MAP3K14: variants seen among roughly 807,000 people sequenced by gnomAD.
MAP3K14 encodes mitogen-activated protein kinase kinase kinase 14.
In MAP3K14, 16 loss-of-function variants were observed where a neutral mutation model predicts 99.2. The observed-to-expected ratio is 0.16, with a 90% CI of 0.11 to 0.24. The LOEUF is 0.24. Among genes scored for constraint, MAP3K14 ranks in the 10% least tolerant of loss-of-function variants. The probability of loss-of-function intolerance (pLI) is 1.00; values close to 1 mark genes in which losing one functional copy is unlikely to be tolerated. For missense variants in MAP3K14, 784 were observed against 1,208.7 expected (o/e 0.65, Z 5.21); for synonymous variants, 462 against 492.4 (o/e 0.94, Z 0.82).
Position 45,270,714 on chromosome 17 carries a change from C to A in MAP3K14, c.1822-151G>T, listed in dbSNP as rs908550517. 8 of 1,145,854 alleles carry A rather than the reference C, an allele frequency of 7.0e-6. No individual in the cohort carries two copies. In the African/African-American group the frequency reaches 1.3e-4, roughly 18 times the overall value. The allele number at this position is 1,145,854 out of a possible 1,614,324, so 71.0% of individuals were successfully genotyped here. ...GGAGGGGTCTGGGCTACAGTGAGGG[C>A]ACTTTTCCCAGGAAAGGGACAAATG... On this transcript the variant is annotated intron_variant, in intron 10 of 15. Coordinates refer to ENST00000344686, the MANE Select transcript of MAP3K14 (RefSeq NM_003954.5).
At position 45,274,764 on chromosome 17, in the gene MAP3K14, G is replaced by T. The variant is rs374533008; in HGVS notation, c.1291-171C>A. On this transcript the variant is annotated intron_variant, in intron 6 of 15. Coordinates refer to ENST00000344686, the MANE Select transcript of MAP3K14 (RefSeq NM_003954.5). Reference sequence around the variant, plus strand: ...CCTCAGAGGCTAAATTGTGTATCCCGTGCCCTTGGTATCAGGAGCAACTTC... The same window carrying T: ...CCTCAGAGGCTAAATTGTGTATCCCTTGCCCTTGGTATCAGGAGCAACTTC... Among the ~76,000 whole-genome samples the T allele has an allele frequency of 9.2e-5, 14 of 152,296 alleles. No homozygotes were observed. In the East Asian group the frequency reaches 2.5e-3, roughly 27 times the overall value.
chr17:45,303,932 A>G (rs562518058), intron 1 of MAP3K14, among the ~76,000 whole-genome samples: 58 of 152,092 alleles, frequency 3.8e-4, no homozygotes, highest in African/African-American at 1.3e-3. Context: ...ATGTAATGTC[A>G]TACAAATTGT....
chr17:45,289,202 C>T lies in MAP3K14; in HGVS notation c.326+34G>A, dbSNP rs750689886. 5.0e-6 allele frequency: 8 copies of T among 1,604,310 alleles called. No individual in the cohort carries two copies. In the East Asian group the frequency reaches 1.6e-4, roughly 31 times the overall value. On this transcript the variant is annotated intron_variant, in intron 3 of 15. Coordinates refer to ENST00000344686, the MANE Select transcript of MAP3K14 (RefSeq NM_003954.5). ...GGACGAGGGCGCTGGGTCCAGTCCC[C>T]ACCTTCCCACTCAGGCTTGTCTCCC...
chr17:45,304,466 G>C (rs962731711), intron 1 of MAP3K14, among the ~76,000 whole-genome samples: 55 of 152,152 alleles, frequency 3.6e-4, no homozygotes, highest in African/African-American at 1.3e-3. Flanking sequence ...ATTCTAGGTG[G>C]TAAGCTCTTG....
At chr17:45,284,735 T>C (rs925241730) in intron 6 of MAP3K14, 77 bp downstream of exon 6, 19 of 1,493,770 alleles carry the variant, frequency 1.3e-5, no homozygotes, top group African/African-American at 4.2e-5. Context: ...GCGACTGTCC[T>C]GGACAGAAAG....
Position 45,267,642 on chromosome 17 carries a change from G to T in MAP3K14, c.2090C>A (p.Ala697Asp), listed in dbSNP as rs376396491. The change falls in exon 12 of 16, where the codon GCC (alanine) becomes GAC (aspartate). Residue 697 changes from alanine to aspartate, a missense_variant. By Grantham distance (126) the Ala-to-Asp change is moderately radical. Transcript: ENST00000344686. This position sits in a 1 kb window ranked among gnomAD's most constrained non-coding sequence, Gnocchi z 5.1. ...CTCCTCAGCTGGCCGGGGCCCTGGGGCCCTTGGCGAAAGCTCTCTCGGCTG... is the reference window on the plus strand; with the variant it reads ...CTCCTCAGCTGGCCGGGGCCCTGGGTCCCTTGGCGAAAGCTCTCTCGGCTG... ...HAQPRELSPR[A>D]PGPRPAEETT... 1.9e-6 allele frequency: 3 copies of T among 1,613,530 alleles called. No individual in the cohort carries two copies. The highest frequency in any genetic ancestry group is 2.5e-6 in the Non-Finnish European group (3 of 1,179,816).
rs373594868 is a variant in MAP3K14, at chr17:45,287,637, A to G, written c.327-273T>C. Among the ~76,000 whole-genome samples the G allele has an allele frequency of 5.1e-4, 77 of 152,360 alleles. 1 individual carries two copies. Among genetic ancestry groups the G allele is most frequent in the African/African-American group, 1.7e-3 (71 of 41,582 alleles). On this transcript the variant is annotated intron_variant, in intron 3 of 15. Coordinates refer to ENST00000344686, the MANE Select transcript of MAP3K14 (RefSeq NM_003954.5). ...AAGCCCAGCTCAGTGTCTGGCCCCAAGGCAAGCTGCCGAGAAGCTGTGCTT... is the reference window on the plus strand; with the variant it reads ...AAGCCCAGCTCAGTGTCTGGCCCCAGGGCAAGCTGCCGAGAAGCTGTGCTT...
chr17:45,278,278 G>T (rs2044194911), intron 6 of MAP3K14, among the ~76,000 whole-genome samples: 1 of 152,100 alleles, frequency 6.6e-6, no homozygotes, highest in African/African-American at 2.4e-5. Context: ...AATACAAGGT[G>T]CTTTAGAAGT....
chr17:45,296,034 C>T (rs28735460), intron 1 of MAP3K14, among the ~76,000 whole-genome samples: 4,557 of 152,282 alleles, frequency 0.03, 240 homozygotes, highest in African/African-American at 0.1. Flanking sequence ...CAAGGCAAAT[C>T]CCTCTCATGA....
chr17:45,310,065 G>A lies in MAP3K14; in HGVS notation c.-21+6895C>T, dbSNP rs575860915. ...TTTTTTTTTTTTGAGACGGAGTTTC[G>A]CTCTTGTCGCCCAGGCTGGAGTGCA... On this transcript the variant is annotated intron_variant, in intron 1 of 15. Transcript: ENST00000344686. Among the ~76,000 whole-genome samples, 29 of 130,006 alleles carry A rather than the reference G, an allele frequency of 2.2e-4. No individual in the cohort carries two copies. The East Asian group carries it at 5.1e-3, about 23-fold the overall frequency. 85.3% of individuals were successfully genotyped at this position (130,006 alleles called of 152,430 possible).
At chr17:45,314,902 G>T (rs2044517331) in intron 1 of MAP3K14, among the ~76,000 whole-genome samples, 1 of 151,960 alleles carries the variant, frequency 6.6e-6, no homozygotes, top group African/African-American at 2.4e-5. Context: ...ATACAACACT[G>T]TTCAGAGGGT....
chr17:45,271,045 T>G lies in MAP3K14; in HGVS notation c.1821+13A>C, dbSNP rs11574830. Reference sequence around the variant, plus strand: ...AGCTCCCCCTGTTGGCCATGCTGGGTGCCGTCACCGACCTTGAGGCAGAGC... The same window carrying G: ...AGCTCCCCCTGTTGGCCATGCTGGGGGCCGTCACCGACCTTGAGGCAGAGC... On this transcript the variant is annotated intron_variant, in intron 10 of 15. Coordinates refer to ENST00000344686, the MANE Select transcript of MAP3K14 (RefSeq NM_003954.5). 3,584 of 1,610,174 alleles carry G rather than the reference T, an allele frequency of 2.2e-3. 75 individuals are homozygous for G. The African/African-American group carries it at 0.042, about 19-fold the overall frequency.
intron 1 of MAP3K14, among the ~76,000 whole-genome samples, chr17:45,308,314 G>A (rs964288296): frequency 2.6e-5 from 4 of 152,156 alleles, no homozygotes; most frequent in Non-Finnish European, 5.9e-5. Context: ...CCCTTGAAAG[G>A]CCTTCTTGGA....
In MAP3K14 at chr17:45,267,418, G is replaced by T; in HGVS notation, c.2314C>A (p.Gln772Lys). 6.3e-7 allele frequency: 1 copy of T among 1,595,594 alleles called. No homozygotes were observed. Among genetic ancestry groups the T allele is most frequent in the Non-Finnish European group, 8.5e-7 (1 of 1,171,170 alleles). ...CGGCTGCCCGTACCTATTTCCAGCT[G>T]CTGCAGTTCCTGCTCCGGGACGGTT... ...KATVPEQELQ[Q>K]LEIELFLNSL... Residue 772 changes from glutamine to lysine, a missense_variant, in exon 12 of 16, where the codon CAG becomes AAG. Around this residue, in one of 5 missense-constraint regions of MAP3K14, gnomAD observed 128 missense variants for 143.3 expected, o/e 0.89. Transcript: ENST00000344686. The surrounding 1 kb of genome is among the most constrained non-coding windows in gnomAD (Gnocchi z 5.1).
chr17:45,277,299 C>T (rs2044188252), intron 6 of MAP3K14, among the ~76,000 whole-genome samples: 1 of 152,070 alleles, frequency 6.6e-6, no homozygotes. Flanking sequence ...GCTATTCCTC[C>T]CCCCTCCCCG....
At chr17:45,310,201 CT>C (rs2044463234) in intron 1 of MAP3K14, among the ~76,000 whole-genome samples, 1 of 151,756 alleles carries the variant, frequency 6.6e-6, no homozygotes, top group Non-Finnish European at 1.5e-5. Flanking sequence ...GCCCAGCTAA[CT>C]TTTTTGTATT....
intron 3 of MAP3K14, among the ~76,000 whole-genome samples, chr17:45,287,649 G>A (rs34066137): frequency 0.044 from 6,671 of 152,328 alleles, 209 homozygotes; most frequent in East Asian, 0.11. Context: ...GCAAGCTGCC[G>A]AGAAGCTGTG....
chr17:45,271,520 G>A (rs4247365), intron 9 of MAP3K14, among the ~76,000 whole-genome samples: 120,402 of 151,980 alleles, frequency 0.79, 48,183 homozygotes, highest in East Asian at 0.9. Context: ...TAATTTTTAT[G>A]TTTTTGTAGA....
At chr17:45,266,348 G>A (rs537826331) in intron 14 of MAP3K14, 189 bp downstream of exon 14, 1 of 599,668 alleles carries the variant, frequency 1.7e-6, no homozygotes, top group South Asian at 2.8e-5. Flanking sequence ...CATCAGGAAA[G>A]GCTCATGGGT....
Sources: gnomAD v4.1 joint callset for allele counts (sites outside exome capture counted in the v4.1 genomes callset) on GRCh38, gnomAD v4.1.1 for gene constraint, gnomAD v4.1.1 regional missense constraint, Gnocchi (gnomAD v3.1) non-coding constraint, MANE v1.5 for transcripts, NCBI Gene and HGNC (gene_info 2026-07-23, HGNC 2026-07-21) for gene names.